ROBO2: variants seen among roughly 807,000 people sequenced by gnomAD.
The protein encoded by ROBO2 is roundabout guidance receptor 2, also known as roundabout homolog 2.
Under a neutral mutation model 160.8 loss-of-function variants are expected in ROBO2, and 53 were observed. The ratio of observed to expected loss-of-function variants is 0.33; its 90% CI spans 0.26 to 0.41. ROBO2 has a LOEUF of 0.41. Ranked by LOEUF, ROBO2 falls within the 10% of genes least tolerant of loss-of-function variation. The pLI is 1.00. For synonymous variants in ROBO2, 664 were observed against 611.7 expected (o/e 1.09, Z -1.26); for missense variants, 1,577 against 1,722.4 (o/e 0.92, Z 1.49).
chr3:77,589,061 A>C, intron 17 of ROBO2, 128 bp downstream of exon 18: 2 of 992,102 alleles, frequency 2.0e-6, no homozygotes, highest in Non-Finnish European at 3.1e-6. Context: ...TGTAAAATGC[A>C]ATTACACTCA....
At chr3:76,203,592 T>TCC (rs11370344) in intron 2 of ROBO2, among the ~76,000 whole-genome samples, 8 of 24,808 alleles carry the variant, frequency 3.2e-4, no homozygotes, top group African/African-American at 1.4e-3. Flanking sequence ...GCTCTCGGCT[T>TCC]CCCCGTCAAG....
At chr3:77,147,041 G>A (rs970714395) in intron 2 of ROBO2, among the ~76,000 whole-genome samples, 4 of 152,086 alleles carry the variant, frequency 2.6e-5, no homozygotes, top group Admixed American at 1.3e-4. Flanking sequence ...ACTCATATCT[G>A]GGATATATGC....
At chr3:76,759,895 C>T (rs998021143) in intron 2 of ROBO2, among the ~76,000 whole-genome samples, 3 of 151,748 alleles carry the variant, frequency 2.0e-5, no homozygotes, top group Admixed American at 1.3e-4. Context: ...CACTTAGGCC[C>T]TGGTACTGGT....
At chr3:75,964,149 T>C (rs1337189443) in intron 2 of ROBO2, among the ~76,000 whole-genome samples, 1 of 151,578 alleles carries the variant, frequency 6.6e-6, no homozygotes, top group Non-Finnish European at 1.5e-5. Flanking sequence ...GGTGTAAGAG[T>C]GTGTGTCAAA....
intron 2 of ROBO2, among the ~76,000 whole-genome samples, chr3:76,223,455 A>G (rs182766986): frequency 1.3e-5 from 2 of 152,052 alleles, no homozygotes; most frequent in East Asian, 2.0e-4. Flanking sequence ...AGAAGCCACA[A>G]CCACTGAGAG....
At chr3:77,120,600 G>A (rs2074657179) in intron 2 of ROBO2, among the ~76,000 whole-genome samples, 1 of 152,186 alleles carries the variant, frequency 6.6e-6, no homozygotes, top group African/African-American at 2.4e-5. Flanking sequence ...TTTAGCAGTT[G>A]CAAAGATAAA....
intron 2 of ROBO2, among the ~76,000 whole-genome samples, chr3:75,989,670 T>C (rs2065511312): frequency 1.3e-5 from 2 of 152,242 alleles, no homozygotes; most frequent in African/African-American, 4.8e-5. Context: ...GTTTGTCTGT[T>C]CTCACTTCAG....
At chr3:76,329,276 C>G (rs569809363) in intron 2 of ROBO2, among the ~76,000 whole-genome samples, 1 of 152,080 alleles carries the variant, frequency 6.6e-6, no homozygotes, top group Non-Finnish European at 1.5e-5. Context: ...TGCAGTGCAG[C>G]GGCGCGATCT....
intron 2 of ROBO2, among the ~76,000 whole-genome samples, chr3:76,687,081 A>G (rs1245484501): frequency 3.3e-5 from 5 of 152,108 alleles, no homozygotes; most frequent in African/African-American, 7.2e-5. Flanking sequence ...GTATTCATGT[A>G]TAGGTTTAAA....
At chr3:76,399,133 T>C (rs1391664034) in intron 2 of ROBO2, among the ~76,000 whole-genome samples, 2 of 151,650 alleles carry the variant, frequency 1.3e-5, no homozygotes, top group African/African-American at 2.4e-5. Context: ...TACAGAGAGA[T>C]GAAAAAGAAA....
At chr3:77,017,977 T>G (rs1465315575) in intron 2 of ROBO2, among the ~76,000 whole-genome samples, 1 of 152,174 alleles carries the variant, frequency 6.6e-6, no homozygotes, top group Non-Finnish European at 1.5e-5. Flanking sequence ...TAGGCATAAA[T>G]TGGGTAATAG....
intron 17 of ROBO2, among the ~76,000 whole-genome samples, chr3:77,590,794 T>C (rs2094162274): frequency 6.6e-6 from 1 of 151,956 alleles, no homozygotes; most frequent in South Asian, 2.1e-4. Flanking sequence ...ACTTTTCTTC[T>C]TTTTTTTAAC....
At chr3:76,033,744 A>C (rs376767208) in intron 2 of ROBO2, among the ~76,000 whole-genome samples, 3 of 152,126 alleles carry the variant, frequency 2.0e-5, no homozygotes, top group East Asian at 1.9e-4. Flanking sequence ...GCTCACCTGG[A>C]GCTAGTGGAA....
intron 2 of ROBO2, among the ~76,000 whole-genome samples, chr3:76,547,958 T>C (rs978938371): frequency 6.6e-6 from 1 of 152,284 alleles, no homozygotes; most frequent in African/African-American, 2.4e-5. Context: ...CCTGGTAAGA[T>C]TGAATTATTT....
intron 2 of ROBO2, among the ~76,000 whole-genome samples, chr3:77,346,369 T>G (rs943788278): frequency 8.5e-5 from 13 of 152,158 alleles, no homozygotes; most frequent in African/African-American, 3.1e-4. Context: ...GAATGGCATA[T>G]CAACCTTCTC....
At chr3:77,505,697 A>G (rs1405371894) in intron 5 of ROBO2, among the ~76,000 whole-genome samples, 1 of 152,158 alleles carries the variant, frequency 6.6e-6, no homozygotes, top group Non-Finnish European at 1.5e-5. Flanking sequence ...GTAATAGCTA[A>G]TATTTACAAG....
intron 2 of ROBO2, among the ~76,000 whole-genome samples, chr3:76,295,739 C>A (rs1358374652): frequency 6.6e-6 from 1 of 152,066 alleles, no homozygotes; most frequent in Non-Finnish European, 1.5e-5. Flanking sequence ...CTAAATTTAC[C>A]ACTTAAGTGG....
At chr3:76,359,442 T>C (rs1184795251) in intron 2 of ROBO2, among the ~76,000 whole-genome samples, 2 of 152,098 alleles carry the variant, frequency 1.3e-5, no homozygotes, top group African/African-American at 4.8e-5. Flanking sequence ...TAATAGCAAA[T>C]ACAAGTAAAT....
intron 2 of ROBO2, among the ~76,000 whole-genome samples, chr3:76,631,063 A>G (rs1460226069): frequency 6.6e-6 from 1 of 152,260 alleles, no homozygotes; most frequent in Non-Finnish European, 1.5e-5. Flanking sequence ...GGTATCCATT[A>G]TGACTTTAAT....
Sources: gnomAD v4.1 joint callset for allele counts (sites outside exome capture counted in the v4.1 genomes callset) on GRCh38, gnomAD v4.1.1 for gene constraint, MANE v1.5 for transcripts, NCBI Gene and HGNC (gene_info 2026-07-23, HGNC 2026-07-21) for gene names.